CEP135: variants seen among roughly 807,000 people sequenced by gnomAD.
CEP135 encodes the protein centrosomal protein of 135 kDa.
Under a neutral mutation model 157.3 loss-of-function variants are expected in CEP135, and 142 were observed. The observed-to-expected ratio is 0.90, with a 90% confidence interval of 0.79 to 1.04. The LOEUF (loss-of-function observed/expected upper bound fraction) is 1.04. Among genes scored for constraint, CEP135 ranks in the 50% least tolerant of loss-of-function variants. CEP135 has a pLI of 0.00. For synonymous variants in CEP135, 396 were observed against 439.8 expected, an observed-to-expected ratio of 0.90 and a Z score of 1.25; for missense variants, 1,317 against 1,309.2, an observed-to-expected ratio of 1.01 and a Z score of -0.09.
At chr4:55,994,116 C>T (rs545088021) in intron 15 of CEP135, among the ~76,000 whole-genome samples, 42 of 152,280 alleles carry the variant, frequency 2.8e-4, no homozygotes, top group African/African-American at 8.2e-4. Context: ...CAAATACAAA[C>T]CATGATACCC....
chr4:56,013,571 T>A (rs1577908986), intron 21 of CEP135, among the ~76,000 whole-genome samples: 1 of 152,258 alleles, frequency 6.6e-6, no homozygotes, highest in East Asian at 1.9e-4. Flanking sequence ...CCCAGCATCA[T>A]TTTTTTGCAT....
intron 11 of CEP135, among the ~76,000 whole-genome samples, chr4:55,978,922 A>G (rs907201954): frequency 5.9e-5 from 9 of 152,212 alleles, no homozygotes; most frequent in African/African-American, 2.2e-4. Context: ...GTCCCAAAAC[A>G]CTAATCTGCT....
intron 10 of CEP135, among the ~76,000 whole-genome samples, chr4:55,973,982 T>C (rs142733622): frequency 8.7e-4 from 132 of 152,364 alleles, no homozygotes; most frequent in African/African-American, 3.1e-3. Context: ...TCAATCCTTC[T>C]TGGGACAAAT....
intron 14 of CEP135, among the ~76,000 whole-genome samples, chr4:55,988,407 C>T (rs1321113041): frequency 6.6e-6 from 1 of 152,150 alleles, no homozygotes; most frequent in East Asian, 1.9e-4. Context: ...CGCTTGTAAT[C>T]CTAGCTCTTT....
intron 18 of CEP135, among the ~76,000 whole-genome samples, chr4:56,009,231 G>A (rs545507127): frequency 2.6e-5 from 4 of 152,076 alleles, no homozygotes; most frequent in African/African-American, 7.2e-5. Flanking sequence ...GGGCGATCTC[G>A]GCTCATTGCA....
chr4:55,992,339 T>C (rs760260492), intron 15 of CEP135, among the ~76,000 whole-genome samples: 1 of 152,246 alleles, frequency 6.6e-6, no homozygotes, highest in African/African-American at 2.4e-5. Context: ...CAGATTAATA[T>C]GATTGCAGGC....
intron 7 of CEP135, 71 bp downstream of exon 7, chr4:55,964,473 T>C (rs1294925729): frequency 1.5e-6 from 2 of 1,309,116 alleles, no homozygotes; most frequent in Middle Eastern, 2.0e-4. Flanking sequence ...ATGTTTATAA[T>C]GGTCTATGGG....
chr4:55,982,199 C>T (rs532646867), intron 13 of CEP135, among the ~76,000 whole-genome samples: 8 of 152,124 alleles, frequency 5.3e-5, no homozygotes, highest in Non-Finnish European at 1.0e-4. Flanking sequence ...AATTGAATCA[C>T]TCGATATGTG....
At chr4:56,002,330 G>A (rs1730204793) in intron 17 of CEP135, among the ~76,000 whole-genome samples, 1 of 151,996 alleles carries the variant, frequency 6.6e-6, no homozygotes, top group Non-Finnish European at 1.5e-5. Context: ...AGATCTTAGA[G>A]GAGAGGCTTT....
At chr4:55,958,815 G>A (rs980745782) in intron 5 of CEP135, among the ~76,000 whole-genome samples, 1 of 152,188 alleles carries the variant, frequency 6.6e-6, no homozygotes, top group Non-Finnish European at 1.5e-5. Context: ...GAAGCACTGT[G>A]GTTCACGCCT....
intron 11 of CEP135, among the ~76,000 whole-genome samples, chr4:55,975,983 G>A (rs955072417): frequency 6.6e-5 from 10 of 152,254 alleles, no homozygotes; most frequent in African/African-American, 2.4e-4. Context: ...GCCAGGTGGT[G>A]TGGCTCCTGT....
At chr4:56,025,709 A>G (rs1233594421) in intron 25 of CEP135, among the ~76,000 whole-genome samples, 1 of 152,202 alleles carries the variant, frequency 6.6e-6, no homozygotes, top group East Asian at 1.9e-4. Context: ...GATAGGAACT[A>G]GAGGTAGAGA....
At position 55,999,340 on chromosome 4, in the gene CEP135, A is replaced by G. The variant is rs775619251; in HGVS notation, c.2048A>G (p.Tyr683Cys). ...NEQLQRSVDD[Y>C]QHRLSIKRGE... ...CAGCTACAGCGGTCAGTTGATGACT[A>G]TCAGCACCGACTTTCCATAAAAAGA... The change falls in exon 16 of 26, where the codon TAT (tyrosine) becomes TGT (cysteine). Residue 683 changes from tyrosine to cysteine, a missense_variant. By Grantham distance (194) the Tyr-to-Cys change is radical. Coordinates refer to ENST00000257287, the MANE Select transcript of CEP135 (RefSeq NM_025009.5). 8.1e-6 allele frequency: 13 copies of G among 1,614,096 alleles called. No homozygotes were observed. The Admixed American group carries it at 1.2e-4, about 14-fold the overall frequency.
In CEP135 at chr4:56,031,470, T is replaced by A. The variant is rs906399153; in HGVS notation, c.*122T>A. ...CATGAACATGGACACAAATTCTACC[T>A]CTGTCAACTTTTATTTAAATCAGTG... On this transcript the variant is annotated 3_prime_UTR_variant, in exon 26 of 26. Coordinates refer to ENST00000257287, the MANE Select transcript of CEP135 (RefSeq NM_025009.5). 20 of 152,600 alleles carry A rather than the reference T, an allele frequency of 1.3e-4. No homozygotes were observed. Among genetic ancestry groups the A allele is most frequent in the Admixed American group, 5.2e-4 (8 of 15,270 alleles). 9.5% of individuals were successfully genotyped at this position (152,600 alleles called of 1,614,324 possible).
At chr4:56,009,694 TAA>T (rs1364797198) in intron 18 of CEP135, 39 bp from the exon 19 acceptor site, 1 of 1,564,794 alleles carries the variant, frequency 6.4e-7, no homozygotes, top group Non-Finnish European at 8.6e-7. Context: ...CTACAGTTTT[TAA>T]AAGTTTTCTT....
At chr4:55,995,234 T>A (rs1456177938) in intron 15 of CEP135, among the ~76,000 whole-genome samples, 1 of 152,216 alleles carries the variant, frequency 6.6e-6, no homozygotes, top group Non-Finnish European at 1.5e-5. Flanking sequence ...TCTTTAGAGC[T>A]GAGGTCAACA....
chr4:56,029,374 G>A (rs937657027), intron 25 of CEP135, among the ~76,000 whole-genome samples: 12 of 152,120 alleles, frequency 7.9e-5, no homozygotes, highest in African/African-American at 2.9e-4. Flanking sequence ...CTCTAATCAT[G>A]CATTGGTCTT....
rs146236232 is a variant in CEP135 at position 55,981,321 on chromosome 4, C to T, written c.1721C>T (p.Ala574Val). The T allele has an allele frequency of 3.7e-5, 59 of 1,594,716 alleles. No individual in the cohort carries two copies. Among genetic ancestry groups the T allele is most frequent in the African/African-American group, 4.1e-5 (3 of 73,412 alleles). The part of the protein sequence containing the change: ...VSLMEKEKEL[A>V]LSDLRRIMAE... The stretch of plus-strand genomic sequence containing the variant: ...CTTATGGAAAAGGAAAAAGAACTTG[C>T]GTTATCTGACTTAAGAAGAATTATG... Residue 574 changes from alanine to valine, a missense_variant, in exon 13 of 26, where the codon GCG becomes GTG. Ala to Val is a moderately conservative substitution (Grantham distance 64, BLOSUM62 0). Transcript: ENST00000257287.
At chr4:56,025,716 G>C (rs1731136790) in intron 25 of CEP135, among the ~76,000 whole-genome samples, 1 of 152,146 alleles carries the variant, frequency 6.6e-6, no homozygotes, top group Non-Finnish European at 1.5e-5. Flanking sequence ...ACTAGAGGTA[G>C]AGAGACCAGT....
Sources: gnomAD v4.1 joint callset for allele counts (sites outside exome capture counted in the v4.1 genomes callset) on GRCh38, gnomAD v4.1.1 for gene constraint, MANE v1.5 for transcripts, NCBI Gene and HGNC (gene_info 2026-07-23, HGNC 2026-07-21) for gene names.